The following TRMT2A variants were observed in gnomAD, a reference collection of about 807,000 sequenced individuals.
TRMT2A encodes the protein tRNA methyltransferase 2A.
In TRMT2A, 60 loss-of-function variants were observed where a neutral mutation model predicts 59.3. That is an observed-to-expected ratio of 1.01 (90% CI 0.82 to 1.26). The LOEUF is 1.26. Ranked by LOEUF, TRMT2A falls within the 50% of genes most tolerant of loss-of-function variation. TRMT2A has a pLI of 0.00. For missense variants in TRMT2A, 863 were observed against 845.2 expected, an observed-to-expected ratio of 1.02 and a Z score of -0.26; for synonymous variants, 403 against 353.7, an observed-to-expected ratio of 1.14 and a Z score of -1.56.
Position 20,112,808 on chromosome 22 carries a change from AGGG to A in TRMT2A, c.1647-17_1647-15del. ...GCTCTGCAGAGGCTGTGGGGGGAAAAGGGGGGCGCTAAGGTCAGCCGATAGGCT... is the reference window on the plus strand; with the variant it reads ...GCTCTGCAGAGGCTGTGGGGGGAAAAGGGCGCTAAGGTCAGCCGATAGGCT... On this transcript the variant is annotated splice_polypyrimidine_tract_variant and intron_variant, in intron 11 of 11. Transcript: ENST00000252136. 2 of 1,612,590 alleles carry A rather than the reference AGGG, an allele frequency of 1.2e-6. No individual in the cohort carries two copies. Among genetic ancestry groups the A allele is most frequent in the Non-Finnish European group, 1.7e-6 (2 of 1,179,818 alleles).
rs1281360817 is a variant in TRMT2A at position 20,116,431 on chromosome 22, G to C, written c.206C>G (p.Thr69Ser). ...CAGCTCCAGTTTAAAGATCTCAGAGGTAAACAAGTCATCCCTGATGTAGCT... is the reference window on the plus strand; with the variant it reads ...CAGCTCCAGTTTAAAGATCTCAGAGCTAAACAAGTCATCCCTGATGTAGCT... ...LYSYIRDDLF[T>S]SEIFKLELQN... Residue 69 changes from threonine to serine, a missense_variant, in exon 2 of 12, where the codon ACC becomes AGC. Transcript: ENST00000252136. 1 of 1,612,724 alleles carries C rather than the reference G, an allele frequency of 6.2e-7. No individual in the cohort carries two copies. Among genetic ancestry groups the C allele is most frequent in the South Asian group, 1.1e-5 (1 of 91,068 alleles).
chr22:20,116,345 G>C lies in TRMT2A; in HGVS notation c.292C>G (p.Leu98Val), dbSNP rs755476378. 6.2e-7 allele frequency: 1 copy of C among 1,612,968 alleles called. No individual in the cohort carries two copies. The highest frequency in any genetic ancestry group is 2.2e-5 in the East Asian group (1 of 44,874). ...AAGAGTTTGGTTTTGTGGGGCTGCA[G>C]ACCAAAGCGGCCCAGGAAGCGCCGG... ...DVRRFLGRFG[L>V]QPHKTKLFGQ... The change falls in exon 2 of 12, where the codon CTG becomes GTG. Residue 98 changes from leucine (L) to valine (V), a missense_variant. Coordinates refer to ENST00000252136, the MANE Select transcript of TRMT2A (RefSeq NM_022727.6).
In TRMT2A at chr22:20,116,367, C is replaced by T. The variant is rs763979167; in HGVS notation, c.270G>A (p.Arg90=). The part of the protein sequence containing the change: ...VPRHASFSDV[R]RFLGRFGLQP... ...GCAGACCAAAGCGGCCCAGGAAGCG[C>T]CGGACGTCGCTGAAGCTGGCGTGGC... Residue 90 remains arginine, a synonymous_variant, in exon 2 of 12, where the codon CGG becomes CGA. Transcript: ENST00000252136. The T allele has an allele frequency of 6.2e-7, 1 of 1,612,464 alleles. No homozygotes were observed. The highest frequency in any genetic ancestry group is 8.5e-7 in the Non-Finnish European group (1 of 1,179,554).
In TRMT2A at chr22:20,113,440, TGGGCGTTCACCC is replaced by T; in HGVS notation, c.1412_1423del (p.Arg471_Ala474del). ...ACGGCCTTGCCACTCACCATTGTCC[TGGGCGTTCACCC>T]GGGCGTCCTCCACAGCCTCTGGGCA... On this transcript the variant is annotated inframe_deletion, in exon 9 of 12. Transcript: ENST00000252136. 1.9e-6 allele frequency: 3 copies of T among 1,538,638 alleles called. No individual in the cohort carries two copies. The highest frequency in any genetic ancestry group is 2.7e-6 in the Non-Finnish European group (3 of 1,123,516).
At position 20,111,892 on chromosome 22, in the gene TRMT2A, A is replaced by T. The variant is rs1483684492; in HGVS notation, c.*671T>A. On this transcript the variant is annotated 3_prime_UTR_variant, in exon 12 of 12. Coordinates refer to ENST00000252136, the MANE Select transcript of TRMT2A (RefSeq NM_022727.6). ...CCAGAAGGGAATGGCTGATGTCTTT[A>T]TTCTGAGGGTGAGAGGCTGGCACCC... is the stretch of plus-strand genomic sequence containing the variant. 1 of 158,422 alleles carries T rather than the reference A, an allele frequency of 6.3e-6. No homozygotes were observed. Among genetic ancestry groups the T allele is most frequent in the Non-Finnish European group, 1.4e-5 (1 of 72,462 alleles). 9.8% of individuals were successfully genotyped at this position (158,422 alleles called of 1,614,324 possible).
At position 20,113,683 on chromosome 22, in the gene TRMT2A, C is replaced by T. The variant is rs755059082; in HGVS notation, c.1356+3G>A. ...GTGCCCTCAGCAGGGCAGGAGGGCTCACCCGGGCCAGGGCCAGGCCAATGG... is the reference window on the plus strand; with the variant it reads ...GTGCCCTCAGCAGGGCAGGAGGGCTTACCCGGGCCAGGGCCAGGCCAATGG... On this transcript the variant is annotated splice_donor_region_variant and intron_variant, in intron 8 of 11. Coordinates refer to ENST00000252136, the MANE Select transcript of TRMT2A (RefSeq NM_022727.6). The T allele has an allele frequency of 1.9e-6, 3 of 1,593,994 alleles. No individual in the cohort carries two copies. Among genetic ancestry groups the T allele is most frequent in the South Asian group, 1.1e-5 (1 of 88,842 alleles).
In TRMT2A at chr22:20,113,433, A is replaced by G. The variant is rs2049910279; in HGVS notation, c.1431T>C (p.Asn477=). The change falls in exon 9 of 12, where the codon AAT becomes AAC. Residue 477 remains asparagine (N), a splice_region_variant and synonymous_variant. Coordinates refer to ENST00000252136, the MANE Select transcript of TRMT2A (RefSeq NM_022727.6). The part of the protein sequence containing the change: ...VEDARVNAQD[N]ELSNVEFHCG... Reference sequence around the variant, plus strand: ...CCCACCCACGGCCTTGCCACTCACCATTGTCCTGGGCGTTCACCCGGGCGT... The same window carrying G: ...CCCACCCACGGCCTTGCCACTCACCGTTGTCCTGGGCGTTCACCCGGGCGT... 1 of 1,340,120 alleles carries G rather than the reference A, an allele frequency of 7.5e-7. No homozygotes were observed. The highest frequency in any genetic ancestry group is 1.0e-6 in the Non-Finnish European group (1 of 970,862). 83.0% of individuals were successfully genotyped at this position (1,340,120 alleles called of 1,614,324 possible). A position where few individuals can be genotyped will look rare whatever the true frequency, so the allele number is the denominator to read the frequency against.
chr22:20,113,553 C>A lies in TRMT2A; in HGVS notation c.1357-46G>T, dbSNP rs780483344. On this transcript the variant is annotated intron_variant, in intron 8 of 11. Coordinates refer to ENST00000252136, the MANE Select transcript of TRMT2A (RefSeq NM_022727.6). ...GTCGCCCCACCCAGGGAGGGGAGTACATGGGGCCCTGTGGGCAGCAAAGAG... is the reference window on the plus strand; with the variant it reads ...GTCGCCCCACCCAGGGAGGGGAGTAAATGGGGCCCTGTGGGCAGCAAAGAG... 4 of 1,611,834 alleles carry A rather than the reference C, an allele frequency of 2.5e-6. No homozygotes were observed. The South Asian group carries it at 4.4e-5, about 18-fold the overall frequency.
Position 20,114,986 on chromosome 22 carries a change from G to T in TRMT2A, c.984C>A (p.Ala328=). The T allele has an allele frequency of 6.3e-7, 1 of 1,597,032 alleles. No homozygotes were observed. Among genetic ancestry groups the T allele is most frequent in the Admixed American group, 1.8e-5 (1 of 56,768 alleles). ...AGACCTGGGGGTGGAAGTAGGCAAT[G>T]GCCATGGCCTGGTGGCGGCGGCTGG... is the stretch of plus-strand genomic sequence containing the variant. The part of the protein sequence containing the change: ...VRTSRRHQAM[A]IAYFHPQKLS... The change falls in exon 5 of 12, where the codon GCC becomes GCA. Residue 328 remains alanine (A), a synonymous_variant. Transcript: ENST00000252136.
chr22:20,117,108 A>G lies in TRMT2A; in HGVS notation c.-202T>C, dbSNP rs1822727062. On this transcript the variant is annotated 5_prime_UTR_variant, in exon 1 of 12. Transcript: ENST00000252136. ...GGCGGGACTCGAACCTGCGATGCTC[A>G]GGTCCGGGTCTCAGGCTTGGGGCTG... 7.2e-6 allele frequency: 5 copies of G among 689,762 alleles called. No individual in the cohort carries two copies. Among genetic ancestry groups the G allele is most frequent in the Non-Finnish European group, 1.2e-5 (5 of 417,918 alleles). 42.7% of individuals were successfully genotyped at this position (689,762 alleles called of 1,614,324 possible). A position where few individuals can be genotyped will look rare whatever the true frequency, so the allele number is the denominator to read the frequency against.
rs1027636325 is a variant in TRMT2A at position 20,112,309 on chromosome 22, G to A, written c.*254C>T. ...TCATCACAGAAACACCCTTTGTTGA[G>A]CAGTTGTTTATTCTGGCCCTCACAG... is the stretch of plus-strand genomic sequence containing the variant. On this transcript the variant is annotated 3_prime_UTR_variant, in exon 12 of 12. Transcript: ENST00000252136. 9.2e-6 allele frequency: 5 copies of A among 544,916 alleles called. No individual in the cohort carries two copies. The highest frequency in any genetic ancestry group is 1.6e-5 in the Non-Finnish European group (5 of 308,248). 33.8% of individuals were successfully genotyped at this position (544,916 alleles called of 1,614,324 possible).
Position 20,116,312 on chromosome 22 carries a change from G to T in TRMT2A, c.325C>A (p.Pro109Thr). 6.2e-7 allele frequency: 1 copy of T among 1,612,976 alleles called. No homozygotes were observed. ...CGGAATGTCACAAAGGCGCAGGGTG[G>T]TTGCCCAAAGAGTTTGGTTTTGTGG... ...QPHKTKLFGQ[P>T]PCAFVTFRSA... Residue 109 changes from proline (P) to threonine (T), a missense_variant, in exon 2 of 12, where the codon CCA (proline) becomes ACA (threonine). Physicochemically the swap from Pro to Thr is conservative, Grantham distance 38. Coordinates refer to ENST00000252136, the MANE Select transcript of TRMT2A (RefSeq NM_022727.6).
In TRMT2A at chr22:20,114,585, C is replaced by T. The variant is rs1433195050; in HGVS notation, c.1222G>A (p.Ala408Thr). 5.8e-5 allele frequency: 93 copies of T among 1,613,442 alleles called. No individual in the cohort carries two copies. Among genetic ancestry groups the T allele is most frequent in the Non-Finnish European group, 7.7e-5 (91 of 1,179,850 alleles). Residue 408 changes from alanine (A) to threonine (T), a missense_variant, in exon 7 of 12, where the codon GCC (alanine) becomes ACC (threonine). Physicochemically the swap from Ala to Thr is moderately conservative, Grantham distance 58. Transcript: ENST00000252136. ...GGACTCATGGCTACCTGGAAGAAGG[C>T]GTGTGGAGAGATCCGGAAGGTCAGC... ...LGLTFRISPH[A>T]FFQVNTPAAE...
intron 1 of TRMT2A, 110 bp downstream of exon 1, chr22:20,116,773 T>A: frequency 7.4e-7 from 1 of 1,356,748 alleles, no homozygotes; most frequent in Non-Finnish European, 1.0e-6. Context: ...TCTCCTTTCC[T>A]CCCCTATCGC....
intron 9 of TRMT2A, 39 bp downstream of exon 9, chr22:20,113,393 G>GCCCCCCAACCCCCCCCCCCCCCC: frequency 6.4e-7 from 1 of 1,556,264 alleles, no homozygotes; most frequent in Non-Finnish European, 8.8e-7. Context: ...GGTGGCGGCT[G>GCCCCCCAACCCCCCCCCCCCCCC]CCCCCATCCC....
chr22:20,115,415 A>T lies in TRMT2A; in HGVS notation c.741T>A (p.Val247=), dbSNP rs1411906178. ...TEYRNKCEFL[V]GVGVDGEDNT... is the part of the protein sequence containing the mutation. ...TATCCTCCCCATCCACCCCGACGCC[A>T]ACCAGAAACTCACACTTATTACGAT... is the stretch of plus-strand genomic sequence containing the variant. Residue 247 remains valine (V), a synonymous_variant, in exon 4 of 12, where the codon GTT becomes GTA. Transcript: ENST00000252136. 6.2e-7 allele frequency: 1 copy of T among 1,611,640 alleles called. No homozygotes were observed. Among genetic ancestry groups the T allele is most frequent in the East Asian group, 2.2e-5 (1 of 44,842 alleles).
chr22:20,116,741 T>C (rs545111060), intron 1 of TRMT2A, 129 bp from the exon 2 acceptor site: 29 of 1,369,554 alleles, frequency 2.1e-5, no homozygotes, highest in Non-Finnish European at 2.8e-5. Flanking sequence ...TCCCCCAGTC[T>C]ACCCTCCCGA....
rs1250377846 is a variant in TRMT2A, at chr22:20,112,997, C to T, written c.1560G>A (p.Val520=). The T allele has an allele frequency of 1.9e-6, 3 of 1,613,794 alleles. No homozygotes were observed. Among genetic ancestry groups the T allele is most frequent in the Non-Finnish European group, 2.5e-6 (3 of 1,180,026 alleles). The change falls in exon 11 of 12, where the codon GTG becomes GTA. Residue 520 remains valine (V), a synonymous_variant. Coordinates refer to ENST00000252136, the MANE Select transcript of TRMT2A (RefSeq NM_022727.6). The part of the protein sequence containing the change: ...DPPRAGLHSK[V]ILAIRRAKNL... ...TCTTAGCTCTCCGGATGGCCAGGAT[C>T]ACCTTGGAATCTGAGGAGGCAAACA...
At chr22:20,115,840 C>T (rs1226307751) in intron 2 of TRMT2A, 60 bp from the exon 3 acceptor site, 3 of 1,520,578 alleles carry the variant, frequency 2.0e-6, no homozygotes, top group Non-Finnish European at 2.7e-6. Context: ...CATGCCAGGC[C>T]ACTCCCCAAA....
Sources: gnomAD v4.1 joint callset for allele counts on GRCh38, gnomAD v4.1.1 for gene constraint, MANE v1.5 for transcripts, NCBI Gene and HGNC (gene_info 2026-07-23, HGNC 2026-07-21) for gene names.